The following OXTR variants were observed in gnomAD, a reference collection of about 807,000 sequenced individuals.
The protein encoded by OXTR is oxytocin receptor.
Under a neutral mutation model 23.9 loss-of-function variants are expected in OXTR, and 19 were observed. The ratio of observed to expected loss-of-function variants is 0.80; its 90% CI spans 0.56 to 1.17. The LOEUF is 1.17. Ranked by LOEUF, OXTR falls within the 50% of genes most tolerant of loss-of-function variation. The pLI is 0.00. For synonymous variants in OXTR, 278 were observed against 250.5 expected (o/e 1.11, Z -1.04); for missense variants, 500 against 550.7 (o/e 0.91, Z 0.92).
At chr3:8,745,840 C>A (rs750004840), downstream of OXTR, 7 of 1,613,162 alleles carry the variant, frequency 4.3e-6, no homozygotes, top group Non-Finnish European at 5.1e-6. This position sits in a 1 kb window ranked among gnomAD's most constrained non-coding sequence, Gnocchi z 4.8. Flanking sequence ...GCAGCAGCAT[C>A]AAGGTGGTGC....
chr3:8,752,855 G>A lies in OXTR; in HGVS notation c.*122C>T. ...CTCCACCCCACTGAAGCCACCCCAA[G>A]GAGGGGAGGGATACAAACTGATAGG... is the stretch of plus-strand genomic sequence containing the variant. On this transcript the variant is annotated 3_prime_UTR_variant, in exon 4 of 4. Coordinates refer to ENST00000316793, the MANE Select transcript of OXTR (RefSeq NM_000916.4). The A allele has an allele frequency of 9.1e-7, 1 of 1,097,276 alleles. No individual in the cohort carries two copies. Among genetic ancestry groups the A allele is most frequent in the Non-Finnish European group, 1.3e-6 (1 of 789,900 alleles). The allele number at this position is 1,097,276 out of a possible 1,614,324, so 68.0% of individuals were successfully genotyped here.
downstream of OXTR, chr3:8,745,687 C>T (rs72546669): frequency 7.1e-4 from 1,147 of 1,614,168 alleles, 4 homozygotes; most frequent in Non-Finnish European, 8.8e-4. This position sits in a 1 kb window ranked among gnomAD's most constrained non-coding sequence, Gnocchi z 4.8. Flanking sequence ...GCTTCCTGTT[C>T]GCCTGCATCT....
intron 3 of OXTR, among the ~76,000 whole-genome samples, chr3:8,757,444 C>A (rs1014855010): frequency 1.7e-4 from 25 of 149,676 alleles, no homozygotes; most frequent in African/African-American, 5.4e-4. Context: ...AAAAAAAAAA[C>A]AAAAAACAAA....
downstream of OXTR, chr3:8,745,846 G>T (rs758111937): frequency 1.2e-6 from 2 of 1,612,686 alleles, no homozygotes; most frequent in African/African-American, 2.7e-5. The surrounding 1 kb of genome is among the most constrained non-coding windows in gnomAD (Gnocchi z 4.8). Flanking sequence ...GCATCAAGGT[G>T]GTGCTGCGGA....
At chr3:8,749,449 C>T (rs1030432018), downstream of OXTR, among the ~76,000 whole-genome samples, 11 of 152,200 alleles carry the variant, frequency 7.2e-5, no homozygotes, top group Admixed American at 6.5e-4. Flanking sequence ...CTGTTGGCTC[C>T]TAGGATGGCA....
Position 8,767,456 on chromosome 3 carries a change from TGGCGCCTC to T in OXTR, c.724_731del (p.Glu242ArgfsTer164). ...CCCCATCGCCAGCCGCCGCGCCCTCTGGCGCCTCGGCCGCCGCCGCTGCAGCGGTCTTG... is the reference window on the plus strand; with the variant it reads ...CCCCATCGCCAGCCGCCGCGCCCTCTGGCCGCCGCCGCTGCAGCGGTCTTG... On this transcript the variant is annotated frameshift_variant, in exon 3 of 4. Transcript: ENST00000316793. LOFTEE classifies it high-confidence loss of function. 1 of 1,602,002 alleles carries T rather than the reference TGGCGCCTC, an allele frequency of 6.2e-7. No homozygotes were observed. The highest frequency in any genetic ancestry group is 8.5e-7 in the Non-Finnish European group (1 of 1,174,492).
At position 8,758,767 on chromosome 3, in the gene OXTR, T is replaced by A. The variant is rs535997633; in HGVS notation, c.923-5543A>T. 4.8e-4 allele frequency among the ~76,000 whole-genome samples: 73 copies of A among 152,256 alleles called. 1 individual carries two copies. The highest frequency in any genetic ancestry group is 1.6e-3 in the African/African-American group (68 of 41,532). On this transcript the variant is annotated intron_variant, in intron 3 of 3. Coordinates refer to ENST00000316793, the MANE Select transcript of OXTR (RefSeq NM_000916.4). ...CTCTGACAGCACTGCTCCAATCTGG[T>A]AGGTGTGCTGGACTCACTGGGCTGG...
chr3:8,765,053 T>A (rs1487029596), intron 3 of OXTR, among the ~76,000 whole-genome samples: 1 of 152,130 alleles, frequency 6.6e-6, no homozygotes, highest in East Asian at 1.9e-4. Context: ...CCCAGGAAAA[T>A]CCTCAGAGGA....
the OXTR span, among the ~76,000 whole-genome samples, chr3:8,745,296 A>T: frequency 1.3e-5 from 2 of 152,112 alleles, no homozygotes; most frequent in Non-Finnish European, 2.9e-5. This position sits in a 1 kb window ranked among gnomAD's most constrained non-coding sequence, Gnocchi z 4.8. Flanking sequence ...CAGCACCATG[A>T]TTCCTGCACA....
chr3:8,767,981 C>T lies in OXTR; in HGVS notation c.207G>A (p.Gln69=). 1 of 1,612,134 alleles carries T rather than the reference C, an allele frequency of 6.2e-7. No individual in the cohort carries two copies. Among genetic ancestry groups the T allele is most frequent in the South Asian group, 1.1e-5 (1 of 90,694 alleles). The part of the protein sequence containing the change: ...CVLLALRTTR[Q]KHSRLFFFMK... ...TGAAGAAGAAGAGGCGCGAGTGCTTCTGGCGTGTGGTGCGCAGCGCCAGCA... is the reference window on the plus strand; with the variant it reads ...TGAAGAAGAAGAGGCGCGAGTGCTTTTGGCGTGTGGTGCGCAGCGCCAGCA... Residue 69 remains glutamine (Q), a synonymous_variant, in exon 3 of 4, where the codon CAG becomes CAA. Coordinates refer to ENST00000316793, the MANE Select transcript of OXTR (RefSeq NM_000916.4).
intron 3 of OXTR, among the ~76,000 whole-genome samples, chr3:8,760,239 C>T (rs993814402): frequency 6.6e-6 from 1 of 152,226 alleles, no homozygotes; most frequent in Non-Finnish European, 1.5e-5. Flanking sequence ...CAGCCCCACA[C>T]CCGAAGTCAG....
chr3:8,761,394 G>A (rs1279545739), intron 3 of OXTR, among the ~76,000 whole-genome samples: 1 of 152,192 alleles, frequency 6.6e-6, no homozygotes, highest in African/African-American at 2.4e-5. Flanking sequence ...CAGATAGTGG[G>A]GGAGGGTTCA....
the OXTR span, among the ~76,000 whole-genome samples, chr3:8,744,445 A>ATTTTTTTTTTTTT: frequency 2.9e-4 from 32 of 111,382 alleles, no homozygotes; most frequent in Middle Eastern, 5.7e-3. Flanking sequence ...TACCCGGCTA[A>ATTTTTTTTTTTTT]TTTTTTTTTT....
intron 3 of OXTR, among the ~76,000 whole-genome samples, chr3:8,754,706 C>T (rs1170830255): frequency 2.6e-5 from 4 of 152,262 alleles, no homozygotes; most frequent in Non-Finnish European, 5.9e-5. Context: ...CCTCCCAGAG[C>T]GACACATCAC....
rs1708703998 is a variant in OXTR at position 8,768,977 on chromosome 3, T to C, written c.-239+254A>G. Reference sequence around the variant, plus strand: ...ATGCCCAAGCGCTGTTCCCAGACCCTGGCATAGACACCTCCCGCGGGGCTC... The same window carrying C: ...ATGCCCAAGCGCTGTTCCCAGACCCCGGCATAGACACCTCCCGCGGGGCTC... On this transcript the variant is annotated intron_variant, in intron 1 of 3. Coordinates refer to ENST00000316793, the MANE Select transcript of OXTR (RefSeq NM_000916.4). This position sits in a 1 kb window ranked among gnomAD's most constrained non-coding sequence, Gnocchi z 5.4. 1.3e-5 allele frequency among the ~76,000 whole-genome samples: 2 copies of C among 151,926 alleles called. No individual in the cohort carries two copies. Among genetic ancestry groups the C allele is most frequent in the East Asian group, 1.9e-4 (1 of 5,178 alleles).
At chr3:8,745,827 T>A (rs756611208), downstream of OXTR, 3 of 1,613,584 alleles carry the variant, frequency 1.9e-6, no homozygotes, top group Admixed American at 1.7e-5. The surrounding 1 kb of genome is among the most constrained non-coding windows in gnomAD (Gnocchi z 4.8). Context: ...CTGGGCCAGG[T>A]CTGCAGCAGC....
In OXTR at chr3:8,762,792, G is replaced by A. The variant is rs141409405; in HGVS notation, c.922+4474C>T. Among the ~76,000 whole-genome samples, 338 of 152,310 alleles carry A rather than the reference G, an allele frequency of 2.2e-3. 2 individuals carry two copies. Among genetic ancestry groups the A allele is most frequent in the Non-Finnish European group, 4.2e-3 (283 of 68,020 alleles). On this transcript the variant is annotated intron_variant, in intron 3 of 3. Transcript: ENST00000316793. ...CTGTCAGCCTTCCTCCCAGTCCAAC[G>A]CTCCTGACAGATGTTTGGTTGCCCC...
At chr3:8,758,865 T>C (rs1708431193) in intron 3 of OXTR, among the ~76,000 whole-genome samples, 1 of 152,180 alleles carries the variant, frequency 6.6e-6, no homozygotes, top group Non-Finnish European at 1.5e-5. Context: ...TTCGCTACCC[T>C]TCAAGGAATG....
chr3:8,769,074 C>CT (rs1428321254), intron 1 of OXTR, among the ~76,000 whole-genome samples, 157 bp downstream of exon 1: 2 of 152,232 alleles, frequency 1.3e-5, no homozygotes, highest in African/African-American at 2.4e-5. Context: ...ATCAAGGACT[C>CT]TGAGTCTCAA....
Sources: allele counts gnomAD v4.1 joint callset (sites outside exome capture counted in the v4.1 genomes callset), GRCh38; gene constraint gnomAD v4.1.1; non-coding constraint Gnocchi (gnomAD v3.1); transcripts MANE v1.5; gene names NCBI Gene and HGNC (gene_info 2026-07-23, HGNC 2026-07-21).